ADAM12: variants seen among roughly 807,000 people sequenced by gnomAD.
ADAM12 encodes the protein disintegrin and metalloproteinase domain-containing protein 12.
Under a neutral mutation model 106.4 loss-of-function variants are expected in ADAM12, and 70 were observed. The observed-to-expected ratio is 0.66, with a 90% CI of 0.54 to 0.80. The LOEUF (loss-of-function observed/expected upper bound fraction) is 0.80. Ranked by LOEUF, ADAM12 falls within the 30% of genes least tolerant of loss-of-function variation. The probability of loss-of-function intolerance (pLI) is 0.00; values close to 1 mark genes in which losing one functional copy is unlikely to be tolerated. For missense variants in ADAM12, 1,010 were observed against 1,171.9 expected (o/e 0.86, Z 2.02); for synonymous variants, 420 against 433.5 (o/e 0.97, Z 0.39).
chr10:126,068,541 C>T (rs931415714), intron 12 of ADAM12, among the ~76,000 whole-genome samples: 1 of 152,174 alleles, frequency 6.6e-6, no homozygotes, highest in African/African-American at 2.4e-5. Context: ...TGACTTTAAA[C>T]AAGGAGATAA....
chr10:126,188,111 C>A (rs1220470895), intron 3 of ADAM12, among the ~76,000 whole-genome samples: 2 of 152,226 alleles, frequency 1.3e-5, no homozygotes, highest in African/African-American at 4.8e-5. Flanking sequence ...CTGGACACTG[C>A]AGCTTGTTCT....
At chr10:126,119,963 G>GTA (rs1956055818) in intron 5 of ADAM12, among the ~76,000 whole-genome samples, 1 of 152,192 alleles carries the variant, frequency 6.6e-6, no homozygotes, top group Admixed American at 6.5e-5. Context: ...GACAATTTGG[G>GTA]TAACAGCAAA....
At chr10:126,239,021 T>C (rs1590664569) in intron 3 of ADAM12, among the ~76,000 whole-genome samples, 1 of 152,236 alleles carries the variant, frequency 6.6e-6, no homozygotes, top group Non-Finnish European at 1.5e-5. Flanking sequence ...TTCTATGAGT[T>C]TGATCACATT....
chr10:126,365,237 G>A (rs547554651), intron 1 of ADAM12, among the ~76,000 whole-genome samples: 106 of 152,150 alleles, frequency 7.0e-4, no homozygotes, highest in Non-Finnish European at 1.4e-3. Flanking sequence ...TTCTGCTTCC[G>A]GTGCCATCGT....
intron 3 of ADAM12, chr10:126,273,281 T>G (rs1236325792): frequency 6.5e-6 from 1 of 153,488 alleles, no homozygotes; most frequent in Non-Finnish European, 1.5e-5. Flanking sequence ...TTGGTCTTTA[T>G]GGACAGACCA....
intron 21 of ADAM12, among the ~76,000 whole-genome samples, chr10:126,023,177 G>A (rs1564992602): frequency 1.3e-5 from 2 of 152,104 alleles, no homozygotes; most frequent in Admixed American, 6.6e-5. Flanking sequence ...GTGCAAATTC[G>A]GTCTACCTCT....
At chr10:126,309,646 T>C (rs1256288500) in intron 2 of ADAM12, among the ~76,000 whole-genome samples, 2 of 152,178 alleles carry the variant, frequency 1.3e-5, no homozygotes, top group Non-Finnish European at 2.9e-5. Context: ...TGGGAATCCA[T>C]TCTTGGGAGT....
chr10:126,208,085 C>T (rs567920127), intron 3 of ADAM12, among the ~76,000 whole-genome samples: 1 of 152,248 alleles, frequency 6.6e-6, no homozygotes, highest in East Asian at 1.9e-4. Context: ...GGGATTTATG[C>T]TGCTCTGATA....
intron 3 of ADAM12, among the ~76,000 whole-genome samples, chr10:126,258,525 C>T (rs1958938057): frequency 6.6e-6 from 1 of 152,206 alleles, no homozygotes; most frequent in African/African-American, 2.4e-5. Flanking sequence ...CCATCCATGC[C>T]CTACTTACCA....
At chr10:126,364,609 T>A (rs530748368) in intron 1 of ADAM12, among the ~76,000 whole-genome samples, 2 of 152,260 alleles carry the variant, frequency 1.3e-5, no homozygotes, top group East Asian at 3.9e-4. Flanking sequence ...TTGTAATAAA[T>A]GAATGGTATG....
At chr10:126,174,844 CCGGGT>C (rs1414913633) in intron 3 of ADAM12, among the ~76,000 whole-genome samples, 1 of 151,790 alleles carries the variant, frequency 6.6e-6, no homozygotes, top group African/African-American at 2.4e-5. Context: ...GCTCCGCCTT[CCGGGT>C]TCACGCCATT....
intron 12 of ADAM12, among the ~76,000 whole-genome samples, chr10:126,070,216 T>C (rs1016373427): frequency 1.3e-5 from 2 of 152,210 alleles, no homozygotes; most frequent in East Asian, 3.8e-4. Flanking sequence ...AACACTATAA[T>C]TAGGACTTGC....
chr10:126,345,464 G>A (rs1855104121), intron 1 of ADAM12, among the ~76,000 whole-genome samples: 1 of 151,862 alleles, frequency 6.6e-6, no homozygotes, highest in Non-Finnish European at 1.5e-5. Flanking sequence ...ATTTTATCAG[G>A]GATATTGGTC....
chr10:126,131,957 C>T (rs888824540), intron 5 of ADAM12, among the ~76,000 whole-genome samples: 7 of 149,662 alleles, frequency 4.7e-5, no homozygotes, highest in African/African-American at 1.7e-4. Flanking sequence ...TTTTGTTTTT[C>T]TTTAAGTCAG....
rs559739346 is a variant in ADAM12, at chr10:126,346,025, T to A, written c.89-15516A>T. 8.1e-4 allele frequency among the ~76,000 whole-genome samples: 123 copies of A among 152,344 alleles called. 3 individuals carry two copies. In the South Asian group the frequency reaches 0.015, roughly 19 times the overall value. On this transcript the variant is annotated intron_variant, in intron 1 of 22. Coordinates refer to ENST00000448723, the MANE Select transcript of ADAM12 (RefSeq NM_001288973.2). Reference sequence around the variant, plus strand: ...TTTTTGTGTCTCTGTCTCCTTCAGTTCTGCTCTGATCTTAGTTATTTCTTG... The same window carrying A: ...TTTTTGTGTCTCTGTCTCCTTCAGTACTGCTCTGATCTTAGTTATTTCTTG...
At chr10:126,131,939 C>G (rs1471434227) in intron 5 of ADAM12, among the ~76,000 whole-genome samples, 2 of 151,648 alleles carry the variant, frequency 1.3e-5, no homozygotes, top group Non-Finnish European at 2.9e-5. Flanking sequence ...AAGCCTATCT[C>G]CACATTATTT....
At chr10:126,173,624 T>C (rs955990441) in intron 3 of ADAM12, among the ~76,000 whole-genome samples, 1 of 152,174 alleles carries the variant, frequency 6.6e-6, no homozygotes, top group Admixed American at 6.5e-5. Context: ...CTTTTGAATA[T>C]AGATTTTTTT....
chr10:126,179,996 C>T (rs1048384145), intron 3 of ADAM12, among the ~76,000 whole-genome samples: 8 of 152,240 alleles, frequency 5.3e-5, no homozygotes, highest in Admixed American at 3.3e-4. Context: ...AAAAACCCAA[C>T]GTATTCTTCA....
At chr10:126,113,061 A>C (rs1235673866) in intron 6 of ADAM12, among the ~76,000 whole-genome samples, 1 of 152,214 alleles carries the variant, frequency 6.6e-6, no homozygotes, top group Non-Finnish European at 1.5e-5. Context: ...AGGGTTCTGC[A>C]GGTAGGATGA....
Sources: allele counts gnomAD v4.1 joint callset (sites outside exome capture counted in the v4.1 genomes callset), GRCh38; gene constraint gnomAD v4.1.1; transcripts MANE v1.5; gene names NCBI Gene and HGNC (gene_info 2026-07-23, HGNC 2026-07-21).